HTT: variants seen among roughly 807,000 people sequenced by gnomAD.
HTT encodes huntington disease protein.
Under a neutral mutation model 362.3 loss-of-function variants are expected in HTT, and 104 were observed. The observed-to-expected ratio is 0.29, with a 90% CI of 0.24 to 0.34. The LOEUF (loss-of-function observed/expected upper bound fraction) is 0.34. Ranked by LOEUF, HTT falls within the 10% of genes least tolerant of loss-of-function variation. HTT has a pLI of 1.00. For missense variants in HTT, 3,301 were observed against 3,928.6 expected (o/e 0.84, Z 4.27); for synonymous variants, 1,577 against 1,548.7 (o/e 1.02, Z -0.43).
chr4:3,230,271 T>C (rs2110296701), intron 60 of HTT, among the ~76,000 whole-genome samples: 1 of 152,300 alleles, frequency 6.6e-6, no homozygotes, highest in East Asian at 1.9e-4. Flanking sequence ...GGCCAAGCCA[T>C]GGTTTGGGGT....
chr4:3,190,779 A>T (rs1718978303), intron 40 of HTT, among the ~76,000 whole-genome samples: 1 of 152,188 alleles, frequency 6.6e-6, no homozygotes, highest in South Asian at 2.1e-4. Context: ...AGCCAGTCCA[A>T]ATTAGGACAG....
At chr4:3,223,649 G>A in intron 55 of HTT, 89 bp downstream of exon 55, 1 of 1,212,538 alleles carries the variant, frequency 8.2e-7, no homozygotes, top group Non-Finnish European at 1.2e-6. Flanking sequence ...CTTCAACCAG[G>A]CCGTTTTCCT....
At chr4:3,144,837 C>T (rs937307408) in intron 23 of HTT, among the ~76,000 whole-genome samples, 2 of 151,996 alleles carry the variant, frequency 1.3e-5, no homozygotes, top group African/African-American at 2.4e-5. Context: ...GTCAGGGAGA[C>T]GATGTGGTAA....
Position 3,121,319 on chromosome 4 carries a change from C to T in HTT, c.1160C>T (p.Pro387Leu), listed in dbSNP as rs866844621. The change falls in exon 9 of 67, where the codon CCT (proline) becomes CTT (leucine). Residue 387 changes from proline (P) to leucine (L), a missense_variant. Transcript: ENST00000355072. ...LELLQQLFRTPPPELLQTLTA... is the reference protein window; with the variant it reads ...LELLQQLFRTLPPELLQTLTA... ...CTGTTGCAGCAGCTCTTCAGAACGCCTCCACCCGAGCTTCTGCAAACCCTG... is the reference window on the plus strand; with the variant it reads ...CTGTTGCAGCAGCTCTTCAGAACGCTTCCACCCGAGCTTCTGCAAACCCTG... The T allele has an allele frequency of 6.2e-7, 1 of 1,614,140 alleles. No homozygotes were observed. Among genetic ancestry groups the T allele is most frequent in the Non-Finnish European group, 8.5e-7 (1 of 1,179,988 alleles).
intron 46 of HTT, 27 bp downstream of exon 46, chr4:3,208,938 AG>A (rs773600718): frequency 1.3e-6 from 2 of 1,597,880 alleles, no homozygotes; most frequent in African/African-American, 2.7e-5. Flanking sequence ...TCTGCATGGG[AG>A]GCACAGGGCG....
intron 28 of HTT, among the ~76,000 whole-genome samples, chr4:3,159,341 T>C (rs1337976719): frequency 6.6e-6 from 1 of 152,238 alleles, no homozygotes; most frequent in African/African-American, 2.4e-5. Context: ...CTTTCCAGAA[T>C]TCCATGCCTT....
chr4:3,109,683 G>A (rs7691627), intron 6 of HTT, among the ~76,000 whole-genome samples: 70,853 of 151,890 alleles, frequency 0.47, 17,105 homozygotes, highest in African/African-American at 0.58. Context: ...CTTTGATTGT[G>A]TTTCTTATTT....
chr4:3,240,334 C>A lies in HTT; in HGVS notation c.*275C>A. ...CTGCACCCCATGTGGGTGACCAGGT[C>A]CTTTCTCCTGATAGTCACCTGCTGG... On this transcript the variant is annotated 3_prime_UTR_variant, in exon 67 of 67. Transcript: ENST00000355072. 2.0e-6 allele frequency: 1 copy of A among 503,662 alleles called. No individual in the cohort carries two copies. Among genetic ancestry groups the A allele is most frequent in the Admixed American group, 3.5e-5 (1 of 28,662 alleles). 31.2% of individuals were successfully genotyped at this position (503,662 alleles called of 1,614,324 possible). A position where few individuals can be genotyped will look rare whatever the true frequency, so the allele number is the denominator to read the frequency against.
chr4:3,166,293 C>T (rs149812115), intron 29 of HTT, among the ~76,000 whole-genome samples: 45 of 152,328 alleles, frequency 3.0e-4, no homozygotes, highest in African/African-American at 9.9e-4. Flanking sequence ...GAAACATCGT[C>T]CCAGAGCACG....
chr4:3,194,419 G>A (rs1229108042), intron 40 of HTT, among the ~76,000 whole-genome samples: 2 of 152,236 alleles, frequency 1.3e-5, no homozygotes, highest in East Asian at 3.8e-4. Flanking sequence ...GTCCAAGATA[G>A]ACTGGTTTAG....
At chr4:3,234,784 C>T (rs114035622) in intron 61 of HTT, among the ~76,000 whole-genome samples, 372 of 152,230 alleles carry the variant, frequency 2.4e-3, no homozygotes, top group African/African-American at 8.6e-3. Context: ...TGGGGGGCAT[C>T]GTATTGGCTC....
At chr4:3,154,657 C>T (rs1344950574) in intron 27 of HTT, among the ~76,000 whole-genome samples, 2 of 152,252 alleles carry the variant, frequency 1.3e-5, no homozygotes, top group African/African-American at 4.8e-5. Flanking sequence ...CTACAGCCTC[C>T]AGGCTTCCAG....
chr4:3,223,903 T>C, intron 55 of HTT, 89 bp from the exon 56 acceptor site: 3 of 1,409,624 alleles, frequency 2.1e-6, no homozygotes, highest in Non-Finnish European at 3.0e-6. Flanking sequence ...CAGGTTCCTT[T>C]AGGCAAAGCG....
intron 40 of HTT, among the ~76,000 whole-genome samples, chr4:3,194,338 G>A (rs1379178477): frequency 6.6e-6 from 1 of 152,166 alleles, no homozygotes. Context: ...TCTAGGATAA[G>A]CAGAATAGCC....
intron 3 of HTT, among the ~76,000 whole-genome samples, chr4:3,100,903 A>T (rs1405561280): frequency 6.6e-6 from 1 of 152,116 alleles, no homozygotes; most frequent in Non-Finnish European, 1.5e-5. Context: ...AATTTTTAAA[A>T]TTATTTGTAG....
intron 23 of HTT, among the ~76,000 whole-genome samples, chr4:3,143,600 T>A (rs935069340): frequency 6.6e-5 from 10 of 151,398 alleles, no homozygotes; most frequent in East Asian, 5.8e-4. Context: ...TTTATTTTTT[T>A]AATTTTATTA....
chr4:3,098,922 A>G (rs1461358524), intron 2 of HTT, among the ~76,000 whole-genome samples: 3 of 152,224 alleles, frequency 2.0e-5, no homozygotes, highest in African/African-American at 4.8e-5. Flanking sequence ...AAAAAGAAAA[A>G]TGAGAATTGC....
Position 3,206,950 on chromosome 4 carries a change from C to T in HTT, c.6042C>T (p.Arg2014=). 6.2e-7 allele frequency: 1 copy of T among 1,612,992 alleles called. No individual in the cohort carries two copies. Among genetic ancestry groups the T allele is most frequent in the Non-Finnish European group, 8.5e-7 (1 of 1,179,656 alleles). ...LARMVDILAC[R]RVEMLLAANL... is the part of the protein sequence containing the mutation. ...GCATGGTCGACATCCTTGCTTGTCG[C>T]CGGGTAGAAATGCTTCTGGCTGCAA... Residue 2014 remains arginine, a synonymous_variant, in exon 44 of 67, where the codon CGC becomes CGT. Coordinates refer to ENST00000355072, the MANE Select transcript of HTT (RefSeq NM_001388492.1). This position sits in a 1 kb window ranked among gnomAD's most constrained non-coding sequence, Gnocchi z 4.6.
chr4:3,100,091 G>A (rs1031145056), intron 3 of HTT, among the ~76,000 whole-genome samples: 4 of 152,348 alleles, frequency 2.6e-5, no homozygotes, highest in Non-Finnish European at 5.9e-5. Flanking sequence ...GGTAGCCACT[G>A]GATGCTCCTG....
Sources: gnomAD v4.1 joint callset for allele counts (sites outside exome capture counted in the v4.1 genomes callset) on GRCh38, gnomAD v4.1.1 for gene constraint, Gnocchi (gnomAD v3.1) non-coding constraint, MANE v1.5 for transcripts, NCBI Gene and HGNC (gene_info 2026-07-23, HGNC 2026-07-21) for gene names.